The following COL17A1 variants were observed in gnomAD, a reference collection of about 807,000 sequenced individuals.
COL17A1 encodes the protein collagen type XVII alpha 1 chain.
COL17A1 carries 181 observed loss-of-function variants against 218.4 expected under a neutral mutation model. The observed-to-expected ratio is 0.83, with a 90% CI of 0.73 to 0.94. The LOEUF (loss-of-function observed/expected upper bound fraction) is 0.94. Ranked by LOEUF, COL17A1 falls within the 40% of genes least tolerant of loss-of-function variation. The probability of loss-of-function intolerance (pLI) is 0.00; values close to 1 mark genes in which losing one functional copy is unlikely to be tolerated. For missense variants in COL17A1, 1,924 were observed against 1,945.9 expected (o/e 0.99, Z 0.21); for synonymous variants, 721 against 731.0 (o/e 0.99, Z 0.22).
At chr10:104,050,511 G>C in intron 27 of COL17A1, 110 bp downstream of exon 27, 2 of 1,573,662 alleles carry the variant, frequency 1.3e-6, no homozygotes, top group Non-Finnish European at 8.7e-7. Context: ...ATTAGAATGA[G>C]ATCTTGGTCC....
chr10:104,071,943 C>G, intron 8 of COL17A1, 89 bp downstream of exon 8: 1 of 1,567,678 alleles, frequency 6.4e-7, no homozygotes, highest in Non-Finnish European at 8.8e-7. Flanking sequence ...CATGCATGCA[C>G]ACACACACGC....
intron 13 of COL17A1, among the ~76,000 whole-genome samples, chr10:104,060,718 C>G (rs2086574890): frequency 6.6e-6 from 1 of 152,200 alleles, no homozygotes; most frequent in Non-Finnish European, 1.5e-5. Context: ...CATACACACA[C>G]TCCTATCTCT....
At chr10:104,078,404 C>T in intron 3 of COL17A1, 138 bp downstream of exon 3, 1 of 1,112,626 alleles carries the variant, frequency 9.0e-7, no homozygotes, top group Non-Finnish European at 1.3e-6. Flanking sequence ...CTGGCGAATT[C>T]TGTTGTATAG....
At chr10:104,079,395 G>A (rs2086742848) in intron 2 of COL17A1, among the ~76,000 whole-genome samples, 1 of 152,156 alleles carries the variant, frequency 6.6e-6, no homozygotes, top group Non-Finnish European at 1.5e-5. Context: ...ATGTATGTGT[G>A]TGTGTGTGTG....
Position 104,037,141 on chromosome 10 carries a change from T to TAA in COL17A1, c.3209-29_3209-28insTT, listed in dbSNP as rs761258921. The TAA allele has an allele frequency of 2.5e-6, 4 of 1,584,432 alleles. No homozygotes were observed. In the South Asian group the frequency reaches 4.6e-5, roughly 18 times the overall value. ...GTCGGGAAGAAAACCTCAGGTTACC[T>TAA]GCTTAGCAGGTACTGAAGCAACACC... On this transcript the variant is annotated intron_variant, in intron 46 of 55. Transcript: ENST00000648076.
chr10:104,082,087 G>T (rs917359043), intron 1 of COL17A1, among the ~76,000 whole-genome samples: 2 of 152,116 alleles, frequency 1.3e-5, no homozygotes, highest in African/African-American at 4.8e-5. Context: ...TTAGCTTCAG[G>T]CCCTAGTAAA....
chr10:104,048,004 G>A, intron 30 of COL17A1, 65 bp downstream of exon 30: 1 of 1,588,560 alleles, frequency 6.3e-7, no homozygotes, highest in Non-Finnish European at 8.6e-7. Context: ...AGGGGACTGA[G>A]GGCTGCATGC....
At chr10:104,039,202 T>G in intron 43 of COL17A1, 81 bp from the exon 44 acceptor site, 1 of 1,394,860 alleles carries the variant, frequency 7.2e-7, no homozygotes, top group Non-Finnish European at 1.0e-6. Context: ...TATTAGTGTG[T>G]GTCTCAACAA....
rs766935130 is a variant in COL17A1, at chr10:104,032,682, C to G, written c.4430G>C (p.Gly1477Ala). ...PGPRGHKGEK[G>A]DKGDQVYAGR... ...GAGCAGTCAACACTTACCTTTGTCT[C>G]CTTTTTCTCCCTTGTGTCCTCGAGG... The change falls in exon 55 of 56, where the codon GGA (glycine) becomes GCA (alanine). Residue 1477 changes from glycine (G) to alanine (A), a missense_variant. Coordinates refer to ENST00000648076, the MANE Select transcript of COL17A1 (RefSeq NM_000494.4). 5.6e-6 allele frequency: 9 copies of G among 1,613,938 alleles called. No individual in the cohort carries two copies. Among genetic ancestry groups the G allele is most frequent in the Non-Finnish European group, 3.4e-6 (4 of 1,179,972 alleles).
Position 104,054,886 on chromosome 10 carries a change from T to C in COL17A1, c.1744+95A>G, listed in dbSNP as rs143623908. 10 of 1,582,424 alleles carry C rather than the reference T, an allele frequency of 6.3e-6. No homozygotes were observed. The African/African-American group carries it at 1.1e-4, about 17-fold the overall frequency. ...GTCCCATCTGTTGTCAAATTACTTC[T>C]TGGAGTGCAAGGTGGGTTTTCTGAC... On this transcript the variant is annotated intron_variant, in intron 20 of 55. Transcript: ENST00000648076.
At chr10:104,034,851 C>A in intron 50 of COL17A1, 84 bp from the exon 51 acceptor site, 1 of 1,549,826 alleles carries the variant, frequency 6.5e-7, no homozygotes. Flanking sequence ...GCGCTGTGGG[C>A]CCCACCTGAA....
intron 31 of COL17A1, among the ~76,000 whole-genome samples, chr10:104,047,128 G>A (rs367869051): frequency 5.9e-5 from 9 of 152,160 alleles, no homozygotes; most frequent in East Asian, 1.9e-4. Context: ...CTGGGCACCC[G>A]CCAAAGGAGG....
rs560799395 is a variant in COL17A1 at position 104,033,525 on chromosome 10, T to G, written c.4157-150A>C. On this transcript the variant is annotated intron_variant, in intron 52 of 55. Coordinates refer to ENST00000648076, the MANE Select transcript of COL17A1 (RefSeq NM_000494.4). ...GTGAAGCCCTCCAACTTCCTTTGTA[T>G]TCCACTGTGTGACTGGCACAGGTCT... 1.2e-5 allele frequency: 11 copies of G among 947,198 alleles called. No individual in the cohort carries two copies. The African/African-American group carries it at 1.5e-4, about 13-fold the overall frequency. The allele number at this position is 947,198 out of a possible 1,614,324, so 58.7% of individuals were successfully genotyped here.
intron 5 of COL17A1, among the ~76,000 whole-genome samples, chr10:104,074,739 C>G (rs181571443): frequency 9.2e-5 from 14 of 152,326 alleles, no homozygotes; most frequent in Middle Eastern, 3.4e-3. Context: ...TCCCAACAGC[C>G]CAGCAGCTCT....
Position 104,035,331 on chromosome 10 carries a change from C to T in COL17A1, c.3551G>A (p.Gly1184Asp), listed in dbSNP as rs1279372430. ...RGIVGPPGPPGPPGIPGNVWS... is the reference protein window; with the variant it reads ...RGIVGPPGPPDPPGIPGNVWS... ...CACATTGCCTGGGATCCCTGGTGGACCCGGGGGACCTGGGGGTCCAACGAT... is the reference window on the plus strand; with the variant it reads ...CACATTGCCTGGGATCCCTGGTGGATCCGGGGGACCTGGGGGTCCAACGAT... The change falls in exon 50 of 56, where the codon GGT becomes GAT. Residue 1184 changes from glycine (G) to aspartate (D), a missense_variant. Transcript: ENST00000648076. 1 of 1,614,100 alleles carries T rather than the reference C, an allele frequency of 6.2e-7. No homozygotes were observed. Among genetic ancestry groups the T allele is most frequent in the African/African-American group, 1.3e-5 (1 of 74,944 alleles).
At chr10:104,051,946 C>T (rs918228120) in intron 24 of COL17A1, among the ~76,000 whole-genome samples, 2 of 152,176 alleles carry the variant, frequency 1.3e-5, no homozygotes, top group African/African-American at 4.8e-5. Context: ...GCCCCAAGCC[C>T]ATTATGGGGC....
chr10:104,039,852 C>G (rs970915611), intron 41 of COL17A1, 121 bp downstream of exon 41: 76 of 1,412,244 alleles, frequency 5.4e-5, no homozygotes, highest in Non-Finnish European at 7.0e-5. Context: ...TAGAGAAACA[C>G]TGCTCTACTC....
intron 55 of COL17A1, 141 bp downstream of exon 55, chr10:104,032,533 C>CT (rs1844699421): frequency 1.1e-6 from 1 of 938,632 alleles, no homozygotes; most frequent in African/African-American, 1.6e-5. Flanking sequence ...GCAAATTCTG[C>CT]TTTTGGCAGT....
Position 104,042,401 on chromosome 10 carries a change from C to T in COL17A1, c.2551+19G>A. The T allele has an allele frequency of 6.2e-7, 1 of 1,614,118 alleles. No homozygotes were observed. The highest frequency in any genetic ancestry group is 1.1e-5 in the South Asian group (1 of 91,084). On this transcript the variant is annotated intron_variant, in intron 36 of 55. Transcript: ENST00000648076. Reference sequence around the variant, plus strand: ...CCGACTGGGCCCATCGCTTTGCATTCTTGCAGGGTGTGACATACCTTGATG... The same window carrying T: ...CCGACTGGGCCCATCGCTTTGCATTTTTGCAGGGTGTGACATACCTTGATG...
Sources: allele counts gnomAD v4.1 joint callset (sites outside exome capture counted in the v4.1 genomes callset), GRCh38; gene constraint gnomAD v4.1.1; transcripts MANE v1.5; gene names NCBI Gene and HGNC (gene_info 2026-07-23, HGNC 2026-07-21).